SARS1: variants seen among roughly 807,000 people sequenced by gnomAD.
SARS1 encodes the protein serine--tRNA ligase, cytoplasmic.
A neutral mutation model predicts 63.7 loss-of-function variants in SARS1; 25 were observed. That is an observed-to-expected ratio of 0.39 (90% CI 0.29 to 0.55). SARS1 has a LOEUF of 0.55. Among genes scored for constraint, SARS1 ranks in the 20% least tolerant of loss-of-function variants. The pLI, the probability that SARS1 is intolerant of heterozygous loss-of-function variation, is 0.62. For synonymous variants in SARS1, 231 were observed against 243.5 expected (o/e 0.95, Z 0.48); for missense variants, 417 against 649.7 (o/e 0.64, Z 3.89).
intron 1 of SARS1, among the ~76,000 whole-genome samples, chr1:109,221,821 T>G (rs1654934023): frequency 6.6e-6 from 1 of 151,414 alleles, no homozygotes; most frequent in Non-Finnish European, 1.5e-5. Flanking sequence ...TTTTTGTTTC[T>G]TTTCTTTTTC....
chr1:109,228,548 G>A, intron 3 of SARS1, 116 bp downstream of exon 3: 1 of 695,662 alleles, frequency 1.4e-6, no homozygotes, highest in Admixed American at 2.6e-5. Flanking sequence ...TTTCATTTCT[G>A]CTGCTGGGAA....
chr1:109,221,994 ATATATATATATATATATTTTTTTTTT>A (rs1654945111), intron 1 of SARS1, among the ~76,000 whole-genome samples: 1 of 23,528 alleles, frequency 4.3e-5, no homozygotes, highest in Non-Finnish European at 6.3e-5. Context: ...ATATATATAT[ATATATATATATATATATTTTTTTTTT>A]TTTTTTTTTT....
chr1:109,220,355 G>A (rs1570754686), intron 1 of SARS1, among the ~76,000 whole-genome samples: 1 of 152,350 alleles, frequency 6.6e-6, no homozygotes, highest in Non-Finnish European at 1.5e-5. Flanking sequence ...AAGAGTTCCA[G>A]TTGCTTGGCA....
intron 4 of SARS1, among the ~76,000 whole-genome samples, chr1:109,230,390 A>G (rs748514834): frequency 6.6e-6 from 1 of 152,206 alleles, no homozygotes; most frequent in Non-Finnish European, 1.5e-5. Flanking sequence ...CTACTTCTCC[A>G]TTGAGTAGCA....
intron 1 of SARS1, chr1:109,215,852 G>GCAC (rs1214915879): frequency 6.5e-6 from 2 of 310,016 alleles, no homozygotes; most frequent in African/African-American, 4.5e-5. Context: ...CTACAGGTGT[G>GCAC]CACCACCACA....
Position 109,214,633 on chromosome 1 carries a change from G to T in SARS1, c.136+505G>T, listed in dbSNP as rs1013098554. On this transcript the variant is annotated intron_variant, in intron 1 of 10. Coordinates refer to ENST00000234677, the MANE Select transcript of SARS1 (RefSeq NM_006513.4). The surrounding 1 kb of genome is among the most constrained non-coding windows in gnomAD (Gnocchi z 4.6). The stretch of plus-strand genomic sequence containing the variant: ...ATCGGAAGCATTTCGGGGCGTTGGA[G>T]GCCGCTCTTGGCCAAAATAAATGAC... 3.8e-5 allele frequency: 37 copies of T among 985,658 alleles called. No homozygotes were observed. Among genetic ancestry groups the T allele is most frequent in the Non-Finnish European group, 7.2e-6 (6 of 830,168 alleles). 61.1% of individuals were successfully genotyped at this position (985,658 alleles called of 1,614,324 possible).
chr1:109,221,989 T>C (rs1368581637), intron 1 of SARS1, among the ~76,000 whole-genome samples: 6 of 12,138 alleles, frequency 4.9e-4, no homozygotes, highest in Middle Eastern at 0.012. Context: ...TATATATATA[T>C]ATATATATAT....
intron 1 of SARS1, among the ~76,000 whole-genome samples, chr1:109,223,027 C>G (rs639608): frequency 0.97 from 147,515 of 152,286 alleles, 71,577 homozygotes; most frequent in Middle Eastern, 1. Flanking sequence ...CAACAAAAAA[C>G]CTTGTGCTTA....
At chr1:109,230,745 C>T (rs980767761) in intron 4 of SARS1, 133 bp from the exon 5 acceptor site, 4 of 652,470 alleles carry the variant, frequency 6.1e-6, no homozygotes, top group Admixed American at 3.4e-5. Flanking sequence ...GTTGAGGCTG[C>T]AGTGAGCCAA....
chr1:109,225,926 C>A (rs1221424719), intron 2 of SARS1, among the ~76,000 whole-genome samples: 1 of 152,134 alleles, frequency 6.6e-6, no homozygotes, highest in African/African-American at 2.4e-5. Context: ...AGATTTAGTC[C>A]ATTTTTTCCC....
rs925875863 is a variant in SARS1 at position 109,235,229 on chromosome 1, A to C, written c.767A>C (p.Glu256Ala). 8 of 1,614,056 alleles carry C rather than the reference A, an allele frequency of 5.0e-6. No individual in the cohort carries two copies. Among genetic ancestry groups the C allele is most frequent in the South Asian group, 1.1e-5 (1 of 91,094 alleles). ...CCACAGGTGATTGGCAAAGGCAGTG[A>C]AAAGTCTGATGACAACTCCTATGAT... ...ELYKVIGKGS[E>A]KSDDNSYDEK... Residue 256 changes from glutamate to alanine, a missense_variant, in exon 7 of 11, where the codon GAA becomes GCA. By Grantham distance (107) the Glu-to-Ala change is moderately radical. Transcript: ENST00000234677. The surrounding 1 kb of genome is among the most constrained non-coding windows in gnomAD (Gnocchi z 4.7).
chr1:109,228,665 G>GA (rs1655141885), intron 3 of SARS1, among the ~76,000 whole-genome samples: 2 of 152,258 alleles, frequency 1.3e-5, no homozygotes, highest in South Asian at 4.1e-4. Flanking sequence ...AGGAAGAATA[G>GA]AAAAAGGAAA....
intron 1 of SARS1, among the ~76,000 whole-genome samples, chr1:109,218,367 A>G (rs984548045): frequency 3.1e-4 from 13 of 41,538 alleles, no homozygotes; most frequent in African/African-American, 7.0e-4. Context: ...ACTTCATCTG[A>G]AAAAAAAAAA....
At chr1:109,223,348 T>C (rs1654995219) in intron 1 of SARS1, among the ~76,000 whole-genome samples, 1 of 152,234 alleles carries the variant, frequency 6.6e-6, no homozygotes, top group Non-Finnish European at 1.5e-5. Context: ...TTAAGATAAT[T>C]GGGCAGGTTA....
chr1:109,221,954 A>ATTTTTT (rs372600041), intron 1 of SARS1, among the ~76,000 whole-genome samples: 1,488 of 89,172 alleles, frequency 0.017, 145 homozygotes, highest in African/African-American at 0.071. Context: ...TGCTCAGCTA[A>ATTTTTT]TTTTTTTGTG....
chr1:109,231,008 G>T lies in SARS1; in HGVS notation c.578G>T (p.Gly193Val). 6.6e-7 allele frequency: 1 copy of T among 1,510,808 alleles called. No individual in the cohort carries two copies. Among genetic ancestry groups the T allele is most frequent in the Non-Finnish European group, 8.8e-7 (1 of 1,130,996 alleles). The allele number at this position is 1,510,808 out of a possible 1,614,324, so 93.6% of individuals were successfully genotyped here. ...GGGGCCGTGGTGGCTGGGAGTCGAG[G>T]GTACTTCTTGAAGGTAAGAGCTGGG... ...EKGAVVAGSRGYFLKGVLVFL... is the reference protein window; with the variant it reads ...EKGAVVAGSRVYFLKGVLVFL... The change falls in exon 5 of 11, where the codon GGG becomes GTG. Residue 193 changes from glycine to valine, a missense_variant. Coordinates refer to ENST00000234677, the MANE Select transcript of SARS1 (RefSeq NM_006513.4).
At chr1:109,217,856 A>G (rs1654827386) in intron 1 of SARS1, among the ~76,000 whole-genome samples, 1 of 152,098 alleles carries the variant, frequency 6.6e-6, no homozygotes, top group African/African-American at 2.4e-5. Context: ...CACCACGCCC[A>G]GCCCCGAAAT....
chr1:109,231,673 C>G lies in SARS1; in HGVS notation c.634C>G (p.Leu212Val). 1.3e-6 allele frequency: 2 copies of G among 1,588,154 alleles called. No individual in the cohort carries two copies. Among genetic ancestry groups the G allele is most frequent in the Non-Finnish European group, 8.6e-7 (1 of 1,168,620 alleles). The change falls in exon 6 of 11, where the codon CTT becomes GTT. Residue 212 changes from leucine to valine, a missense_variant. By Grantham distance (32) the Leu-to-Val change is conservative. Transcript: ENST00000234677. ...GGAACAGGCTCTCATCCAGTATGCC[C>G]TTCGCACCTTGGGAAGTCGGGGCTA... The part of the protein sequence containing the change: ...FLEQALIQYA[L>V]RTLGSRGYIP...
intron 1 of SARS1, 27 bp from the exon 2 acceptor site, chr1:109,223,951 G>C: frequency 6.5e-7 from 1 of 1,547,752 alleles, no homozygotes; most frequent in East Asian, 2.2e-5. Flanking sequence ...CATTTCTTTG[G>C]TATAGTCTTG....
Sources: gnomAD v4.1 joint callset for allele counts (sites outside exome capture counted in the v4.1 genomes callset) on GRCh38, gnomAD v4.1.1 for gene constraint, Gnocchi (gnomAD v3.1) non-coding constraint, MANE v1.5 for transcripts, NCBI Gene and HGNC (gene_info 2026-07-23, HGNC 2026-07-21) for gene names.